Variants in GABRA5 observed in about 807,000 individuals in gnomAD.
GABRA5 encodes the protein gamma-aminobutyric acid type A receptor subunit alpha5.
Under a neutral mutation model 47.3 loss-of-function variants are expected in GABRA5, and 18 were observed. The ratio of observed to expected loss-of-function variants is 0.38; its 90% CI spans 0.26 to 0.56. The LOEUF is 0.56. Ranked by LOEUF, GABRA5 falls within the 20% of genes least tolerant of loss-of-function variation. The probability of loss-of-function intolerance (pLI) is 0.71; values close to 1 mark genes in which losing one functional copy is unlikely to be tolerated. For missense variants in GABRA5, 365 were observed against 599.3 expected (o/e 0.61, Z 4.08); for synonymous variants, 237 against 229.3 (o/e 1.03, Z -0.30).
intron 7 of GABRA5, among the ~76,000 whole-genome samples, chr15:26,918,355 T>C (rs1197570505): frequency 6.6e-6 from 1 of 152,182 alleles, no homozygotes; most frequent in Non-Finnish European, 1.5e-5. Flanking sequence ...TTCCATGTGG[T>C]AGGAAATTTC....
At chr15:26,886,932 C>T (rs942992944) in intron 6 of GABRA5, among the ~76,000 whole-genome samples, 2 of 152,188 alleles carry the variant, frequency 1.3e-5, no homozygotes, top group Non-Finnish European at 2.9e-5. Context: ...AGCAGTTTTA[C>T]CTATTGATTT....
At chr15:26,881,729 C>A (rs1028078397) in intron 4 of GABRA5, among the ~76,000 whole-genome samples, 4 of 152,184 alleles carry the variant, frequency 2.6e-5, no homozygotes, top group Admixed American at 6.5e-5. Context: ...GATGGAGTTT[C>A]GCTCCTGTTG....
chr15:26,923,828 C>T (rs1020389020), intron 7 of GABRA5, among the ~76,000 whole-genome samples: 8 of 152,044 alleles, frequency 5.3e-5, no homozygotes, highest in Non-Finnish European at 1.0e-4. Context: ...TTCACTGATT[C>T]TTTCCTTTTT....
chr15:26,939,889 T>C (rs772470476), intron 8 of GABRA5, 36 bp from the exon 9 acceptor site: 2 of 1,611,074 alleles, frequency 1.2e-6, no homozygotes, highest in Admixed American at 1.7e-5. Context: ...GCAGAGACTC[T>C]AGGGGACTGA....
At chr15:26,904,038 C>T (rs1176000800) in intron 6 of GABRA5, among the ~76,000 whole-genome samples, 2 of 151,970 alleles carry the variant, frequency 1.3e-5, no homozygotes, top group Non-Finnish European at 2.9e-5. Flanking sequence ...GAAATCATTG[C>T]CCATTCCTAT....
intron 3 of GABRA5, among the ~76,000 whole-genome samples, chr15:26,873,825 T>G (rs760555919): frequency 3.3e-5 from 5 of 152,160 alleles, no homozygotes; most frequent in Non-Finnish European, 7.4e-5. Context: ...ACACAAGTGG[T>G]GGTGCACCTA....
chr15:26,878,649 C>A (rs1005906040), intron 3 of GABRA5, among the ~76,000 whole-genome samples: 4 of 152,066 alleles, frequency 2.6e-5, no homozygotes, highest in African/African-American at 9.7e-5. Context: ...ATGGCCCCAT[C>A]GTACAAAGAA....
intron 3 of GABRA5, among the ~76,000 whole-genome samples, chr15:26,870,555 C>A (rs1310959005): frequency 1.3e-5 from 2 of 152,198 alleles, no homozygotes; most frequent in South Asian, 2.1e-4. Flanking sequence ...ATGTCTCAGC[C>A]CTTTGAGCCA....
intron 6 of GABRA5, among the ~76,000 whole-genome samples, chr15:26,894,505 C>T (rs1893130083): frequency 6.6e-6 from 1 of 152,144 alleles, no homozygotes; most frequent in South Asian, 2.1e-4. Flanking sequence ...ATTTCCGTGG[C>T]GTCAGATGGC....
At chr15:26,939,143 C>A in intron 8 of GABRA5, 1 of 724,730 alleles carries the variant, frequency 1.4e-6, no homozygotes, top group Non-Finnish European at 2.5e-6. Flanking sequence ...GAACACTTCC[C>A]ATCTCCCCAA....
intron 6 of GABRA5, among the ~76,000 whole-genome samples, chr15:26,903,689 A>G (rs1026538836): frequency 6.6e-6 from 1 of 151,920 alleles, no homozygotes; most frequent in East Asian, 1.9e-4. Flanking sequence ...TTTGATTTGC[A>G]TTTCTCTAAT....
At chr15:26,901,700 C>G (rs1024230167) in intron 6 of GABRA5, among the ~76,000 whole-genome samples, 5 of 152,114 alleles carry the variant, frequency 3.3e-5, no homozygotes, top group African/African-American at 1.2e-4. Context: ...ACAGACTGTG[C>G]TTTTGGTATC....
At chr15:26,946,341 G>GTC (rs1374925292) in intron 10 of GABRA5, among the ~76,000 whole-genome samples, 1 of 151,890 alleles carries the variant, frequency 6.6e-6, no homozygotes, top group East Asian at 1.9e-4. Flanking sequence ...GTGAAAACCT[G>GTC]TCTGCTGTTA....
At chr15:26,884,784 G>A (rs1892832142) in intron 6 of GABRA5, among the ~76,000 whole-genome samples, 1 of 152,152 alleles carries the variant, frequency 6.6e-6, no homozygotes, top group Admixed American at 6.5e-5. Flanking sequence ...TGTAGCCTGG[G>A]AGCCGCCTTT....
chr15:26,872,607 T>C (rs2140243446), intron 3 of GABRA5, among the ~76,000 whole-genome samples: 1 of 152,276 alleles, frequency 6.6e-6, no homozygotes, highest in East Asian at 1.9e-4. Flanking sequence ...AGAAAGAGTT[T>C]ATGTGATTGG....
intron 7 of GABRA5, among the ~76,000 whole-genome samples, chr15:26,934,587 G>A (rs1894190909): frequency 6.6e-6 from 1 of 152,170 alleles, no homozygotes; most frequent in South Asian, 2.1e-4. Context: ...TACCTACTGT[G>A]AGTCAGGTGC....
intron 10 of GABRA5, among the ~76,000 whole-genome samples, chr15:26,944,017 G>A (rs1894451722): frequency 6.6e-6 from 1 of 152,168 alleles, no homozygotes; most frequent in South Asian, 2.1e-4. Context: ...TAACATTCGT[G>A]GACGGTAAAT....
chr15:26,872,598 G>A (rs1283319556), intron 3 of GABRA5, among the ~76,000 whole-genome samples: 2 of 152,186 alleles, frequency 1.3e-5, no homozygotes, highest in Non-Finnish European at 2.9e-5. Flanking sequence ...TCCCTCCAAA[G>A]AAAGAGTTTA....
At chr15:26,944,021 G>A (rs6422906) in intron 10 of GABRA5, among the ~76,000 whole-genome samples, 132,879 of 152,296 alleles carry the variant, frequency 0.87, 58,444 homozygotes, top group Non-Finnish European at 0.91. Context: ...ATTCGTGGAC[G>A]GTAAATAAAG....
Sources: allele counts gnomAD v4.1 joint callset (sites outside exome capture counted in the v4.1 genomes callset), GRCh38; gene constraint gnomAD v4.1.1; transcripts MANE v1.5; gene names NCBI Gene and HGNC (gene_info 2026-07-23, HGNC 2026-07-21).